Variants in NLGN3 observed in about 807,000 individuals in gnomAD.
NLGN3 encodes the protein neuroligin-3.
A neutral mutation model predicts 42.9 loss-of-function variants in NLGN3; 11 were observed. That is an observed-to-expected ratio of 0.26 (90% CI 0.16 to 0.42). NLGN3 has a LOEUF of 0.42. Ranked by LOEUF, NLGN3 falls within the 10% of genes least tolerant of loss-of-function variation. The pLI is 1.00. For synonymous variants in NLGN3, 279 were observed against 312.7 expected, an observed-to-expected ratio of 0.89 and a Z score of 1.14; for missense variants, 374 against 733.8, an observed-to-expected ratio of 0.51 and a Z score of 5.67.
intron 1 of NLGN3, among the ~76,000 whole-genome samples, chrX:71,147,322 C>T (rs2092374462): frequency 8.9e-6 from 1 of 112,287 alleles, no homozygotes; most frequent in African/African-American, 3.2e-5. Context: ...CTTGCAGTGG[C>T]AACAACTGTC....
At chrX:71,161,881 A>C (rs777107126) in intron 5 of NLGN3, among the ~76,000 whole-genome samples, 1 of 113,264 alleles carries the variant, frequency 8.8e-6, no homozygotes, top group Non-Finnish European at 1.9e-5. Flanking sequence ...ACTACATCCA[A>C]ATGCAGGCTT....
chrX:71,165,371 G>A (rs944670904), intron 6 of NLGN3, among the ~76,000 whole-genome samples: 1 of 111,696 alleles, frequency 9.0e-6, no homozygotes, highest in African/African-American at 3.3e-5. Flanking sequence ...CCCAAAGGAG[G>A]GCGAAATGAC....
chrX:71,149,188 G>A (rs751142234), intron 3 of NLGN3, among the ~76,000 whole-genome samples: 15 of 111,306 alleles, frequency 1.3e-4, no homozygotes, highest in Non-Finnish European at 2.5e-4. Context: ...TGGCTCTCTC[G>A]GTGACACCTC....
In NLGN3 at chrX:71,167,157, C is replaced by A. The variant is rs2092449774; in HGVS notation, c.1060C>A (p.Gln354Lys). 8.3e-7 allele frequency: 1 copy of A among 1,210,178 alleles called. No homozygotes were observed. The highest frequency in any genetic ancestry group is 1.7e-5 in the African/African-American group (1 of 57,158). ...DTVDMVDCLR[Q>K]KSAKELVEQD... ...CGTGGATATGGTGGACTGTCTTCGGCAAAAGAGTGCCAAGGAGCTGGTAGA... is the reference window on the plus strand; with the variant it reads ...CGTGGATATGGTGGACTGTCTTCGGAAAAAGAGTGCCAAGGAGCTGGTAGA... Residue 354 changes from glutamine to lysine, a missense_variant, in exon 7 of 8, where the codon CAA becomes AAA. Gln to Lys is a moderately conservative substitution (Grantham distance 53, BLOSUM62 1). Around this residue, in one of 6 missense-constraint regions of NLGN3, gnomAD observed 142 missense variants for 359.1 expected, o/e 0.40. Coordinates refer to ENST00000358741, the MANE Select transcript of NLGN3 (RefSeq NM_181303.2).
chrX:71,167,941 A>G, intron 7 of NLGN3, 141 bp downstream of exon 7: 1 of 550,698 alleles, frequency 1.8e-6, no homozygotes, highest in Non-Finnish European at 3.1e-6. Flanking sequence ...TCATCTTCCT[A>G]TCTCCCCTTC....
intron 7 of NLGN3, 39 bp from the exon 8 acceptor site, chrX:71,169,215 G>C: frequency 8.3e-7 from 1 of 1,204,191 alleles, no homozygotes; most frequent in East Asian, 3.0e-5. Context: ...TCCTCATCCA[G>C]ATAGAGTGGT....
chrX:71,163,550 GGA>G (rs1418967983), intron 5 of NLGN3, among the ~76,000 whole-genome samples: 2 of 112,037 alleles, frequency 1.8e-5, no homozygotes, highest in East Asian at 2.8e-4. Flanking sequence ...CACTTCCTTT[GGA>G]GAGAGAAGAA....
At chrX:71,160,103 G>A (rs1210307063) in intron 5 of NLGN3, among the ~76,000 whole-genome samples, 1 of 107,075 alleles carries the variant, frequency 9.3e-6, no homozygotes, top group Non-Finnish European at 1.9e-5. Context: ...CAGGTGGTTT[G>A]TTTTGGACCC....
At chrX:71,164,882 C>T (rs895281558) in intron 6 of NLGN3, among the ~76,000 whole-genome samples, 2 of 110,833 alleles carry the variant, frequency 1.8e-5, no homozygotes, top group Non-Finnish European at 3.8e-5. Flanking sequence ...ACTGTGCAAG[C>T]TGCCGGGGAG....
intron 7 of NLGN3, among the ~76,000 whole-genome samples, chrX:71,168,442 C>A (rs955994321): frequency 9.1e-6 from 1 of 109,292 alleles, no homozygotes; most frequent in Non-Finnish European, 1.9e-5. Flanking sequence ...TCAGAAAGAG[C>A]CTTCAGGGCC....
chrX:71,150,864 G>A lies in NLGN3; in HGVS notation c.517+1959G>A, dbSNP rs187016185. Among the ~76,000 whole-genome samples the A allele has an allele frequency of 1.2e-4, 13 of 111,549 alleles. No individual in the cohort carries two copies. The East Asian group carries it at 2.5e-3, about 22-fold the overall frequency. ...GGCCAGAGAGCAGACTGGAAGCCCC[G>A]GCTCAAACATGCACATTTACCAATC... On this transcript the variant is annotated intron_variant, in intron 3 of 7. Coordinates refer to ENST00000358741, the MANE Select transcript of NLGN3 (RefSeq NM_181303.2).
At chrX:71,155,824 G>A (rs906303742) in intron 5 of NLGN3, among the ~76,000 whole-genome samples, 2 of 110,697 alleles carry the variant, frequency 1.8e-5, no homozygotes, top group Non-Finnish European at 3.8e-5. Flanking sequence ...GGAAGACGGT[G>A]ATTTCTCACT....
chrX:71,146,326 G>T (rs903334538), intron 1 of NLGN3, among the ~76,000 whole-genome samples: 2 of 107,061 alleles, frequency 1.9e-5, no homozygotes, highest in Non-Finnish European at 3.9e-5. Flanking sequence ...CTGGGAAGGC[G>T]GGAGAAATGG....
chrX:71,171,780 G>C (rs993601542), downstream of NLGN3: 2 of 380,388 alleles, frequency 5.3e-6, no homozygotes, highest in Admixed American at 1.9e-4. Context: ...CCCTGGGAGC[G>C]ATTTTTCTAC....
chrX:71,156,488 CCA>C (rs1469767218), intron 5 of NLGN3, among the ~76,000 whole-genome samples: 5 of 110,697 alleles, frequency 4.5e-5, no homozygotes, highest in Admixed American at 3.9e-4. Context: ...ATACATTCCC[CCA>C]CACACACATC....
chrX:71,146,221 A>ACACACACAC (rs2092369743), intron 1 of NLGN3, among the ~76,000 whole-genome samples: 2 of 83,213 alleles, frequency 2.4e-5, no homozygotes, highest in East Asian at 3.7e-4. Context: ...ACACACACAC[A>ACACACACAC]TTCTCATTCC....
At chrX:71,168,868 AGAGAAAGAAAAGAAAG>A (rs199764404) in intron 7 of NLGN3, among the ~76,000 whole-genome samples, 22 of 66,074 alleles carry the variant, frequency 3.3e-4, no homozygotes, top group Admixed American at 2.2e-3. Flanking sequence ...AAAGAAAGAA[AGAGAAAGAAAAGAAAG>A]AGAAAGAAAG....
chrX:71,155,479 C>T, intron 5 of NLGN3, 116 bp downstream of exon 5: 3 of 945,975 alleles, frequency 3.2e-6, no homozygotes, highest in South Asian at 4.0e-5. Flanking sequence ...CTAATAACCA[C>T]AGTCAAAATG....
intron 4 of NLGN3, among the ~76,000 whole-genome samples, 155 bp downstream of exon 4, chrX:71,153,691 T>C (rs2092398678): frequency 8.9e-6 from 1 of 111,905 alleles, no homozygotes; most frequent in Non-Finnish European, 1.9e-5. Flanking sequence ...TTTGGCCCTG[T>C]TGGCCACTGG....
Sources: gnomAD v4.1 joint callset for allele counts (sites outside exome capture counted in the v4.1 genomes callset) on GRCh38, gnomAD v4.1.1 for gene constraint, gnomAD v4.1.1 regional missense constraint, MANE v1.5 for transcripts, NCBI Gene and HGNC (gene_info 2026-07-23, HGNC 2026-07-21) for gene names.